The following SCRN1 variants were observed in gnomAD, a reference collection of about 807,000 sequenced individuals.
SCRN1 encodes the protein secernin-1.
SCRN1 carries 19 observed loss-of-function variants against 43.3 expected under a neutral mutation model. The ratio of observed to expected loss-of-function variants is 0.44; its 90% confidence interval spans 0.31 to 0.64. The LOEUF is 0.64. SCRN1 is among the 30% of genes least tolerant of loss of function. The pLI, the probability that SCRN1 is intolerant of heterozygous loss-of-function variation, is 0.09. For synonymous variants in SCRN1, 183 were observed against 188.9 expected (o/e 0.97, Z 0.26); for missense variants, 447 against 524.1 (o/e 0.85, Z 1.44).
At chr7:29,955,077 G>C (rs369991498) in intron 3 of SCRN1, 102 bp downstream of exon 3, 1 of 938,486 alleles carries the variant, frequency 1.1e-6, no homozygotes, top group African/African-American at 1.6e-5. Flanking sequence ...CATCATCTTT[G>C]GAAGGATTAT....
At position 29,922,339 on chromosome 7, in the gene SCRN1, A is replaced by C. The variant is rs1225281840; in HGVS notation, c.*1618T>G. On this transcript the variant is annotated 3_prime_UTR_variant, in exon 8 of 8. Transcript: ENST00000242059. ...AGAAAAAAAGAATGTGTTCTGATAA[A>C]ACCTCTGATCCTCACTGTTCACATC... 1.3e-5 allele frequency: 2 copies of C among 152,204 alleles called. No individual in the cohort carries two copies. Among genetic ancestry groups the C allele is most frequent in the African/African-American group, 2.4e-5 (1 of 41,446 alleles). 9.4% of individuals were successfully genotyped at this position (152,204 alleles called of 1,614,324 possible).
chr7:29,963,440 G>T (rs1220101499), intron 2 of SCRN1, among the ~76,000 whole-genome samples: 1 of 152,186 alleles, frequency 6.6e-6, no homozygotes, highest in African/African-American at 2.4e-5. Flanking sequence ...GCAAAGGACA[G>T]AAAGAGCAAA....
chr7:29,958,220 A>C (rs79344990), intron 2 of SCRN1, among the ~76,000 whole-genome samples: 4,604 of 152,276 alleles, frequency 0.03, 113 homozygotes, highest in African/African-American at 0.059. Context: ...AGCCATTCAC[A>C]CCTGCTCCAT....
At chr7:29,943,880 C>A (rs1258757638) in intron 4 of SCRN1, 97 bp downstream of exon 4, 1 of 1,135,332 alleles carries the variant, frequency 8.8e-7, no homozygotes, top group African/African-American at 1.5e-5. Context: ...CCTGCAACGG[C>A]ACGTCTTTCT....
intron 1 of SCRN1, among the ~76,000 whole-genome samples, chr7:29,974,850 A>G (rs1788765283): frequency 6.6e-6 from 1 of 151,716 alleles, no homozygotes; most frequent in Non-Finnish European, 1.5e-5. Context: ...TGCCCAGCTA[A>G]TTTTTGTATT....
chr7:29,942,716 A>G (rs1485701197), intron 4 of SCRN1, among the ~76,000 whole-genome samples: 1 of 152,192 alleles, frequency 6.6e-6, no homozygotes, highest in Non-Finnish European at 1.5e-5. Context: ...TGCTGGGCAT[A>G]TGAGGTGGAG....
At chr7:29,947,090 G>A in intron 3 of SCRN1, 4 of 1,356,332 alleles carry the variant, frequency 2.9e-6, no homozygotes, top group South Asian at 1.5e-5. Flanking sequence ...CCAGGACAGG[G>A]AAGGGGAAGA....
intron 4 of SCRN1, among the ~76,000 whole-genome samples, chr7:29,941,849 T>C (rs547024318): frequency 1.3e-5 from 2 of 152,356 alleles, no homozygotes; most frequent in South Asian, 4.1e-4. Context: ...TTATCAGTGC[T>C]AGCTTAAAAG....
In SCRN1 at chr7:29,921,737, C is replaced by T. The variant is rs1786766528; in HGVS notation, c.*2220G>A. 1 of 152,236 alleles carries T rather than the reference C, an allele frequency of 6.6e-6. No homozygotes were observed. Among genetic ancestry groups the T allele is most frequent in the Admixed American group, 6.5e-5 (1 of 15,276 alleles). The allele number at this position is 152,236 out of a possible 1,614,324, so 9.4% of individuals were successfully genotyped here. On this transcript the variant is annotated 3_prime_UTR_variant, in exon 8 of 8. Coordinates refer to ENST00000242059, the MANE Select transcript of SCRN1 (RefSeq NM_014766.5). ...GTCAATGTACCCTAACAGAAGTAGC[C>T]ATTGTGTTTCCCAATGGGTAATGAC... is the stretch of plus-strand genomic sequence containing the variant.
chr7:29,958,321 C>A (rs1436389023), intron 2 of SCRN1, among the ~76,000 whole-genome samples: 1 of 152,138 alleles, frequency 6.6e-6, no homozygotes, highest in Non-Finnish European at 1.5e-5. Flanking sequence ...ACTTAAAATC[C>A]CACTTTGGGA....
At chr7:29,978,093 A>T (rs960414865) in intron 1 of SCRN1, among the ~76,000 whole-genome samples, 2 of 152,218 alleles carry the variant, frequency 1.3e-5, no homozygotes, top group African/African-American at 4.8e-5. Context: ...TTCAAAGGCA[A>T]TATCTACTTC....
intron 6 of SCRN1, among the ~76,000 whole-genome samples, chr7:29,929,476 C>A (rs1246811950): frequency 2.0e-5 from 3 of 152,256 alleles, no homozygotes; most frequent in Admixed American, 1.3e-4. Flanking sequence ...TGCCATTTCA[C>A]TCCTAAAACC....
chr7:29,947,138 C>G, intron 3 of SCRN1: 1 of 1,523,162 alleles, frequency 6.6e-7, no homozygotes, highest in African/African-American at 1.4e-5. Flanking sequence ...ACTGTAACAT[C>G]TATCTTCTGT....
chr7:29,969,847 G>A (rs1392257590), intron 1 of SCRN1: 4 of 456,188 alleles, frequency 8.8e-6, no homozygotes, highest in South Asian at 1.5e-5. Flanking sequence ...CCTGATATCC[G>A]AAGCTGATTT....
At chr7:29,943,849 G>C in intron 4 of SCRN1, 128 bp downstream of exon 4, 1 of 845,502 alleles carries the variant, frequency 1.2e-6, no homozygotes, top group Non-Finnish European at 1.9e-6. Flanking sequence ...GCCAAAGCAT[G>C]ACAGTCCCAC....
chr7:29,936,705 C>G lies in SCRN1; in HGVS notation c.756G>C (p.Gln252His). ...LEKQEESITV[Q>H]TMMNTLRDKA... ...TGTCCCGTAAGGTGTTCATCATAGTCTGCACTGTGATGCTTTCTGCAAAAA... is the reference window on the plus strand; with the variant it reads ...TGTCCCGTAAGGTGTTCATCATAGTGTGCACTGTGATGCTTTCTGCAAAAA... The change falls in exon 6 of 8, where the codon CAG (glutamine) becomes CAC (histidine). Residue 252 changes from glutamine to histidine, a missense_variant. Coordinates refer to ENST00000242059, the MANE Select transcript of SCRN1 (RefSeq NM_014766.5). 1 of 1,553,830 alleles carries G rather than the reference C, an allele frequency of 6.4e-7. No homozygotes were observed. Among genetic ancestry groups the G allele is most frequent in the Non-Finnish European group, 8.8e-7 (1 of 1,137,992 alleles).
chr7:29,954,919 G>T (rs1033878418), intron 3 of SCRN1, among the ~76,000 whole-genome samples: 1 of 152,172 alleles, frequency 6.6e-6, no homozygotes, highest in Non-Finnish European at 1.5e-5. Flanking sequence ...GACCTCAGGT[G>T]ATCCACCTGC....
chr7:29,971,858 C>T (rs984223695), intron 1 of SCRN1, among the ~76,000 whole-genome samples: 1 of 152,148 alleles, frequency 6.6e-6, no homozygotes, highest in Non-Finnish European at 1.5e-5. Flanking sequence ...TACATGCACA[C>T]TCAGAGTTCT....
At chr7:29,974,681 C>CTTTTTTTT (rs754103658) in intron 1 of SCRN1, among the ~76,000 whole-genome samples, 5 of 142,230 alleles carry the variant, frequency 3.5e-5, no homozygotes, top group Non-Finnish European at 6.1e-5. Context: ...TTCTTTCTTT[C>CTTTTTTTT]TTTCTTTTTT....
Sources: gnomAD v4.1 joint callset for allele counts (sites outside exome capture counted in the v4.1 genomes callset) on GRCh38, gnomAD v4.1.1 for gene constraint, MANE v1.5 for transcripts, NCBI Gene and HGNC (gene_info 2026-07-23, HGNC 2026-07-21) for gene names.